SOX6: variants seen among roughly 807,000 people sequenced by gnomAD.
SOX6 encodes SRY-box transcription factor 6.
A neutral mutation model predicts 97.8 loss-of-function variants in SOX6; 11 were observed. The observed-to-expected ratio is 0.11, with a 90% CI of 0.07 to 0.19. The LOEUF is 0.19. SOX6 is among the 10% of genes least tolerant of loss of function. The pLI is 1.00. For missense variants in SOX6, 810 were observed against 1,039.5 expected, an observed-to-expected ratio of 0.78 and a Z score of 3.04; for synonymous variants, 360 against 371.4, an observed-to-expected ratio of 0.97 and a Z score of 0.35.
intron 4 of SOX6, among the ~76,000 whole-genome samples, chr11:16,609,614 G>A (rs568320097): frequency 9.2e-5 from 14 of 152,276 alleles, no homozygotes; most frequent in African/African-American, 1.4e-4. Context: ...TGAAGAAAAC[G>A]GAGACAGGAT....
At chr11:16,117,038 A>G (rs1849364265) in intron 6 of SOX6, among the ~76,000 whole-genome samples, 1 of 152,144 alleles carries the variant, frequency 6.6e-6, no homozygotes, top group Admixed American at 6.6e-5. Context: ...AGTGTGTTAA[A>G]GGAATTGTGT....
chr11:16,260,816 G>A (rs766880397), intron 3 of SOX6, among the ~76,000 whole-genome samples: 2 of 152,052 alleles, frequency 1.3e-5, no homozygotes, highest in East Asian at 3.9e-4. Context: ...AGCTTAAAAG[G>A]TCCCCCATGT....
At chr11:16,252,699 AC>A (rs894611192) in intron 3 of SOX6, among the ~76,000 whole-genome samples, 10 of 152,278 alleles carry the variant, frequency 6.6e-5, no homozygotes, top group African/African-American at 2.4e-4. Flanking sequence ...CCAGAGCCTA[AC>A]CTGCTGTTTT....
intron 4 of SOX6, among the ~76,000 whole-genome samples, chr11:16,563,958 C>T (rs892968165): frequency 1.3e-5 from 2 of 152,076 alleles, no homozygotes; most frequent in South Asian, 2.1e-4. Flanking sequence ...ACAATATTTT[C>T]GAAGTGCTGA....
intron 4 of SOX6, among the ~76,000 whole-genome samples, chr11:16,597,523 A>T (rs904497591): frequency 2.6e-5 from 4 of 151,930 alleles, no homozygotes; most frequent in Admixed American, 2.0e-4. Context: ...ATCTTCAAAA[A>T]ATCAAAATTG....
chr11:16,102,348 A>T (rs1425072454), intron 7 of SOX6, among the ~76,000 whole-genome samples: 1 of 151,976 alleles, frequency 6.6e-6, no homozygotes, highest in African/African-American at 2.4e-5. Flanking sequence ...CTACAAGAAA[A>T]CTACAAAACA....
At chr11:16,722,376 G>A (rs989350221) in intron 2 of SOX6, among the ~76,000 whole-genome samples, 1 of 152,184 alleles carries the variant, frequency 6.6e-6, no homozygotes, top group Admixed American at 6.5e-5. Flanking sequence ...CAATGGGCCG[G>A]GTGCAGTGGT....
intron 1 of SOX6, among the ~76,000 whole-genome samples, chr11:16,402,005 A>C (rs922849726): frequency 5.3e-5 from 8 of 151,668 alleles, no homozygotes; most frequent in East Asian, 1.9e-4. Flanking sequence ...ATCACCACCA[A>C]CAACAACCCT....
chr11:16,387,392 A>T (rs1433690916), intron 1 of SOX6, among the ~76,000 whole-genome samples: 3 of 152,178 alleles, frequency 2.0e-5, no homozygotes, highest in African/African-American at 7.2e-5. Context: ...AAGATGCAAG[A>T]TTTCATGAAG....
chr11:16,208,330 G>A (rs1478196399), intron 4 of SOX6, among the ~76,000 whole-genome samples: 1 of 152,160 alleles, frequency 6.6e-6, no homozygotes, highest in Non-Finnish European at 1.5e-5. Flanking sequence ...CACCTAAATT[G>A]TATGCATAAA....
At chr11:16,353,930 A>G (rs1857013321) in intron 1 of SOX6, among the ~76,000 whole-genome samples, 1 of 151,952 alleles carries the variant, frequency 6.6e-6, no homozygotes. Flanking sequence ...GTCCCCTGAA[A>G]AACTTTTACA....
At chr11:16,093,055 C>G (rs1053817332) in intron 9 of SOX6, among the ~76,000 whole-genome samples, 1 of 151,848 alleles carries the variant, frequency 6.6e-6, no homozygotes, top group Non-Finnish European at 1.5e-5. Flanking sequence ...GAAATTTATA[C>G]GGGTGAGAGA....
intron 6 of SOX6, among the ~76,000 whole-genome samples, chr11:16,167,519 C>T (rs1850918348): frequency 6.6e-6 from 1 of 152,102 alleles, no homozygotes. Context: ...GACTAAAGTC[C>T]TTACAACGAT....
chr11:16,489,259 C>T (rs542897961), intron 4 of SOX6, among the ~76,000 whole-genome samples: 2 of 152,212 alleles, frequency 1.3e-5, no homozygotes, highest in African/African-American at 4.8e-5. Flanking sequence ...ATACAGAGTT[C>T]ACACTTGCAA....
intron 3 of SOX6, among the ~76,000 whole-genome samples, chr11:16,270,281 CAATGACATAT>C (rs1444926310): frequency 6.6e-6 from 1 of 151,160 alleles, no homozygotes; most frequent in Non-Finnish European, 1.5e-5. Flanking sequence ...ATCACAACTG[CAATGACATAT>C]GACTTCACAT....
intron 6 of SOX6, among the ~76,000 whole-genome samples, chr11:16,176,850 C>T (rs1459393264): frequency 2.6e-5 from 4 of 151,940 alleles, no homozygotes; most frequent in Non-Finnish European, 2.9e-5. Flanking sequence ...CTCCATCAGG[C>T]ATCAAGAAAC....
chr11:15,986,185 T>A lies in SOX6; in HGVS notation c.2183+19A>T. On this transcript the variant is annotated intron_variant, in intron 15 of 15. Coordinates refer to ENST00000683767, the MANE Select transcript of SOX6 (RefSeq NM_001367873.1). ...ACCGCAAAAGTAAAGCCCAGGTGGC[T>A]AAATTCAGGAATACTTACCCCACAG... 1 of 1,612,708 alleles carries A rather than the reference T, an allele frequency of 6.2e-7. No individual in the cohort carries two copies. The highest frequency in any genetic ancestry group is 8.5e-7 in the Non-Finnish European group (1 of 1,178,736).
rs189489758 is a variant in SOX6 at position 16,551,529 on chromosome 11, G to T, written n.609+60552C>A. Among the ~76,000 whole-genome samples the T allele has an allele frequency of 8.4e-4, 127 of 152,086 alleles. 1 individual carries two copies. Among genetic ancestry groups the T allele is most frequent in the Admixed American group, 8.3e-3 (126 of 15,268 alleles). ...CACAGCATGTGACACTCCCCTATTT[G>T]GTGTAGATGCCATAATATTTATAAT... On this transcript the variant is annotated intron_variant and non_coding_transcript_variant, in intron 4 of 5. Transcript: ENST00000524520.
At chr11:16,295,898 T>C (rs187640463) in intron 3 of SOX6, among the ~76,000 whole-genome samples, 4 of 152,152 alleles carry the variant, frequency 2.6e-5, no homozygotes, top group Non-Finnish European at 5.9e-5. Flanking sequence ...TAGAGATTTT[T>C]CCCACCCTTA....
Sources: allele counts gnomAD v4.1 joint callset (sites outside exome capture counted in the v4.1 genomes callset), GRCh38; gene constraint gnomAD v4.1.1; transcripts MANE v1.5; gene names NCBI Gene and HGNC (gene_info 2026-07-23, HGNC 2026-07-21).